Variants in AGO2 observed in about 807,000 individuals in gnomAD.
The protein encoded by AGO2 is argonaute RISC catalytic component 2.
AGO2 carries 5 observed loss-of-function variants against 102.3 expected under a neutral mutation model. The observed-to-expected ratio is 0.05, with a 90% CI of 0.03 to 0.10. The LOEUF is 0.10. Ranked by LOEUF, AGO2 falls within the 10% of genes least tolerant of loss-of-function variation. AGO2 has a pLI of 1.00. For synonymous variants in AGO2, 449 were observed against 473.1 expected, an observed-to-expected ratio of 0.95 and a Z score of 0.66; for missense variants, 541 against 1,183.7, an observed-to-expected ratio of 0.46 and a Z score of 7.97.
At chr8:140,592,550 G>A (rs2073759970) in intron 1 of AGO2, 1 of 152,172 alleles carries the variant, frequency 6.6e-6, no homozygotes, top group African/African-American at 2.4e-5. Flanking sequence ...ATGCCTTATG[G>A]GTTTATGACT....
chr8:140,600,021 C>T (rs2073909152), intron 1 of AGO2, among the ~76,000 whole-genome samples: 1 of 148,286 alleles, frequency 6.7e-6, no homozygotes, highest in African/African-American at 2.5e-5. Context: ...TGTGCCCTGC[C>T]CTCTCATGAT....
At chr8:140,621,776 T>A (rs1186790637) in intron 1 of AGO2, among the ~76,000 whole-genome samples, 1 of 152,132 alleles carries the variant, frequency 6.6e-6, no homozygotes, top group Non-Finnish European at 1.5e-5. Context: ...TTCTAAAAGG[T>A]TCAGAGGATA....
At chr8:140,634,494 A>G (rs2074378466) in intron 1 of AGO2, among the ~76,000 whole-genome samples, 1 of 152,244 alleles carries the variant, frequency 6.6e-6, no homozygotes, top group African/African-American at 2.4e-5. Context: ...AGGCCGGCCG[A>G]GAGAGCCAGG....
intron 1 of AGO2, among the ~76,000 whole-genome samples, chr8:140,588,863 C>T (rs749003395): frequency 7.2e-5 from 11 of 152,232 alleles, no homozygotes; most frequent in Non-Finnish European, 1.2e-4. Context: ...CCCAGCGCAG[C>T]GTCATGTACA....
At chr8:140,598,695 T>C (rs1323367938) in intron 1 of AGO2, among the ~76,000 whole-genome samples, 6 of 152,214 alleles carry the variant, frequency 3.9e-5, no homozygotes, top group Non-Finnish European at 7.3e-5. Flanking sequence ...TCTGGCCTGC[T>C]GCTTCCTCTG....
At chr8:140,538,200 C>T (rs1177211727) in intron 16 of AGO2, among the ~76,000 whole-genome samples, 1 of 152,224 alleles carries the variant, frequency 6.6e-6, no homozygotes, top group Non-Finnish European at 1.5e-5. Context: ...CTTCCATTTG[C>T]ACAGTAAACC....
chr8:140,562,344 C>T (rs886205989), intron 4 of AGO2, 109 bp downstream of exon 4: 3 of 1,364,774 alleles, frequency 2.2e-6, no homozygotes, highest in African/African-American at 2.9e-5. Context: ...TGACCACTCC[C>T]ACCCTGGATC....
At chr8:140,571,986 C>A (rs2073384227) in intron 3 of AGO2, among the ~76,000 whole-genome samples, 1 of 152,166 alleles carries the variant, frequency 6.6e-6, no homozygotes, top group Non-Finnish European at 1.5e-5. Context: ...CCCACCTCGG[C>A]CTCCCAAAGT....
At chr8:140,553,423 T>TTGAGACGGAG (rs2073039407) in intron 10 of AGO2, among the ~76,000 whole-genome samples, 1 of 150,954 alleles carries the variant, frequency 6.6e-6, no homozygotes, top group African/African-American at 2.4e-5. Flanking sequence ...TTTTTTTTTT[T>TTGAGACGGAG]TTTGAGACGG....
chr8:140,636,324 G>A (rs1036789192), upstream of AGO2: 3 of 152,284 alleles, frequency 2.0e-5, no homozygotes, highest in African/African-American at 7.2e-5. Context: ...CAGATCAGCG[G>A]ACACGCCCAT....
intron 1 of AGO2, among the ~76,000 whole-genome samples, chr8:140,601,809 TC>T (rs769709922): frequency 1.8e-4 from 27 of 152,352 alleles, no homozygotes; most frequent in African/African-American, 4.1e-4. Context: ...TTATTGCTTT[TC>T]TCCCCCCAAA....
intron 1 of AGO2, among the ~76,000 whole-genome samples, chr8:140,619,373 T>TA (rs2074184644): frequency 6.6e-6 from 1 of 152,234 alleles, no homozygotes; most frequent in East Asian, 1.9e-4. Context: ...CTGAATGTCT[T>TA]ACACTAGACG....
chr8:140,542,180 C>T (rs1240398629), intron 14 of AGO2, among the ~76,000 whole-genome samples: 2 of 152,146 alleles, frequency 1.3e-5, no homozygotes, highest in African/African-American at 2.4e-5. Flanking sequence ...GATGAGGTGG[C>T]CCAGCCCATG....
At chr8:140,623,972 C>G (rs1003537053) in intron 1 of AGO2, among the ~76,000 whole-genome samples, 3 of 150,634 alleles carry the variant, frequency 2.0e-5, no homozygotes, top group African/African-American at 7.4e-5. Context: ...CCAAGATGAT[C>G]CCGGGGCAAG....
chr8:140,577,103 G>A (rs2073477347), intron 2 of AGO2, among the ~76,000 whole-genome samples: 1 of 151,002 alleles, frequency 6.6e-6, no homozygotes, highest in Non-Finnish European at 1.5e-5. Flanking sequence ...AGCTACTCGG[G>A]AGGCTGAGGC....
At position 140,531,635 on chromosome 8, in the gene AGO2, ACTCTCAGAAGATT is replaced by A. The variant is rs2072596286; in HGVS notation, c.*396_*408del. On this transcript the variant is annotated 3_prime_UTR_variant, in exon 19 of 19. Transcript: ENST00000220592. ...CACACTTGTGTTTTGTGTTGCTTTC[ACTCTCAGAAGATT>A]CACAGCTAGTTTGAGCCCATCAATT... is the stretch of plus-strand genomic sequence containing the variant. The A allele has an allele frequency of 6.1e-6, 1 of 164,298 alleles. No individual in the cohort carries two copies. The highest frequency in any genetic ancestry group is 2.4e-5 in the African/African-American group (1 of 41,612). 10.2% of individuals were successfully genotyped at this position (164,298 alleles called of 1,614,324 possible). A position where few individuals can be genotyped will look rare whatever the true frequency, so the allele number is the denominator to read the frequency against.
chr8:140,556,694 C>T (rs1014364162), intron 8 of AGO2, among the ~76,000 whole-genome samples: 1 of 152,170 alleles, frequency 6.6e-6, no homozygotes, highest in Non-Finnish European at 1.5e-5. Flanking sequence ...AGGATCTAAA[C>T]ACCAAGGGAA....
intron 1 of AGO2, among the ~76,000 whole-genome samples, chr8:140,613,983 T>G (rs1243571464): frequency 8.5e-6 from 1 of 118,068 alleles, no homozygotes; most frequent in Non-Finnish European, 1.6e-5. Context: ...CCCAACGCAC[T>G]CCAGCCTGGG....
Position 140,530,187 on chromosome 8 carries a change from T to A in AGO2, c.*1857A>T, listed in dbSNP as rs2072566476. ...ACACACACACCACTCTGAGTACACA[T>A]CTTCACAAATAATAGTCATCCCTTT... On this transcript the variant is annotated 3_prime_UTR_variant, in exon 19 of 19. Transcript: ENST00000220592. 1.3e-5 allele frequency: 2 copies of A among 151,928 alleles called. No individual in the cohort carries two copies. The highest frequency in any genetic ancestry group is 4.1e-4 in the South Asian group (2 of 4,828). The allele number at this position is 151,928 out of a possible 1,614,324, so 9.4% of individuals were successfully genotyped here. A position where few individuals can be genotyped will look rare whatever the true frequency, so the allele number is the denominator to read the frequency against.
Sources: gnomAD v4.1 joint callset for allele counts (sites outside exome capture counted in the v4.1 genomes callset) on GRCh38, gnomAD v4.1.1 for gene constraint, MANE v1.5 for transcripts, NCBI Gene and HGNC (gene_info 2026-07-23, HGNC 2026-07-21) for gene names.